DOCK1: variants seen among roughly 807,000 people sequenced by gnomAD.
DOCK1 encodes dedicator of cytokinesis 1, also known as dedicator of cytokinesis protein 1.
Under a neutral mutation model 262.7 loss-of-function variants are expected in DOCK1, and 138 were observed. The observed-to-expected ratio is 0.53, with a 90% CI of 0.46 to 0.61. The LOEUF (loss-of-function observed/expected upper bound fraction) is 0.61. Among genes scored for constraint, DOCK1 ranks in the 20% least tolerant of loss-of-function variants. The pLI is 0.00. For missense variants in DOCK1, 1,908 were observed against 2,370.7 expected (o/e 0.80, Z 4.05); for synonymous variants, 866 against 867.4 (o/e 1.00, Z 0.03).
At chr10:126,909,969 G>A (rs1435026510) in intron 1 of DOCK1, among the ~76,000 whole-genome samples, 1 of 152,208 alleles carries the variant, frequency 6.6e-6, no homozygotes, top group African/African-American at 2.4e-5. Flanking sequence ...TGCTCAGTGT[G>A]AGGAGCCTGA....
chr10:127,214,907 G>A (rs192315614), intron 27 of DOCK1, among the ~76,000 whole-genome samples: 4 of 152,140 alleles, frequency 2.6e-5, no homozygotes, highest in Non-Finnish European at 5.9e-5. Flanking sequence ...AAACATATGC[G>A]TGTAGTTTCT....
chr10:127,418,494 G>A lies in DOCK1; in HGVS notation c.4645G>A (p.Gly1549Ser). Residue 1549 changes from glycine to serine, a missense_variant, in exon 45 of 52, where the codon GGC (glycine) becomes AGC (serine). By Grantham distance (56) the Gly-to-Ser change is moderately conservative. This residue lies in a region of DOCK1 where 57 missense variants were observed against 103.1 expected (regional missense o/e 0.55). Transcript: ENST00000623213. ...CAACCCGCTCTCCATGCTCCTGAAC[G>A]GCATCGTGGACCCAGCTGTCATGGG... ...PINPLSMLLN[G>S]IVDPAVMGGF... 6.2e-7 allele frequency: 1 copy of A among 1,614,072 alleles called. No individual in the cohort carries two copies. Among genetic ancestry groups the A allele is most frequent in the East Asian group, 2.2e-5 (1 of 44,872 alleles).
intron 7 of DOCK1, 200 bp from the exon 8 acceptor site, chr10:126,997,892 G>A: frequency 6.5e-6 from 4 of 613,114 alleles, no homozygotes; most frequent in Non-Finnish European, 1.1e-5. Context: ...CACAGCAGTT[G>A]CACAGGATAC....
intron 29 of DOCK1, among the ~76,000 whole-genome samples, chr10:127,321,445 C>G (rs1031908929): frequency 3.5e-5 from 5 of 144,866 alleles, no homozygotes; most frequent in Non-Finnish European, 7.5e-5. Context: ...GGTTCTTATT[C>G]TAAAATCTCT....
chr10:127,450,357 A>C (rs534730448), intron 51 of DOCK1, among the ~76,000 whole-genome samples: 1 of 151,908 alleles, frequency 6.6e-6, no homozygotes, highest in Non-Finnish European at 1.5e-5. Flanking sequence ...ATAAAAATCC[A>C]CTCTTACCCT....
At position 126,995,953 on chromosome 10, in the gene DOCK1, C is replaced by A. The variant is rs948383785; in HGVS notation, c.474-795C>A. On this transcript the variant is annotated intron_variant, in intron 6 of 51. Transcript: ENST00000623213. The surrounding 1 kb of genome is among the most constrained non-coding windows in gnomAD (Gnocchi z 5.8). The stretch of plus-strand genomic sequence containing the variant: ...GGGAGTAAAAAGGTGGTGGATAGAT[C>A]TCTCCTCCAAGTTTTCTTCCCTCTC... 3.3e-5 allele frequency among the ~76,000 whole-genome samples: 5 copies of A among 152,144 alleles called. No homozygotes were observed. The highest frequency in any genetic ancestry group is 1.2e-4 in the African/African-American group (5 of 41,434).
At chr10:127,334,832 G>A (rs1257956807) in intron 29 of DOCK1, among the ~76,000 whole-genome samples, 2 of 152,116 alleles carry the variant, frequency 1.3e-5, no homozygotes, top group Non-Finnish European at 2.9e-5. Context: ...CATAATTTGT[G>A]TGGTTCACAA....
intron 16 of DOCK1, among the ~76,000 whole-genome samples, chr10:127,028,348 G>A (rs112252944): frequency 2.7e-4 from 41 of 152,318 alleles, no homozygotes; most frequent in African/African-American, 9.9e-4. Context: ...ACAACTATCA[G>A]CAGATGTTGG....
chr10:126,912,550 C>A (rs558456045), intron 1 of DOCK1, among the ~76,000 whole-genome samples: 2 of 151,308 alleles, frequency 1.3e-5, no homozygotes, highest in African/African-American at 2.4e-5. Context: ...CACGGTGAAA[C>A]CCTGTCTCTA....
intron 27 of DOCK1, among the ~76,000 whole-genome samples, chr10:127,186,652 T>G (rs923711221): frequency 6.6e-6 from 1 of 151,670 alleles, no homozygotes; most frequent in Non-Finnish European, 1.5e-5. Context: ...ATGAATGAAA[T>G]AGCTTTCATT....
chr10:127,337,796 G>A (rs1346413450), intron 29 of DOCK1, among the ~76,000 whole-genome samples: 1 of 152,246 alleles, frequency 6.6e-6, no homozygotes, highest in Non-Finnish European at 1.5e-5. Flanking sequence ...TGGTCCCAGA[G>A]CTAGCCGATA....
intron 2 of DOCK1, among the ~76,000 whole-genome samples, chr10:126,976,314 T>C (rs1428002142): frequency 5.3e-5 from 8 of 152,218 alleles, no homozygotes; most frequent in African/African-American, 1.4e-4. Context: ...ATCAGTCTGT[T>C]GAGTCTCCAG....
chr10:127,188,525 C>A (rs2056478747), intron 27 of DOCK1, among the ~76,000 whole-genome samples: 1 of 152,182 alleles, frequency 6.6e-6, no homozygotes, highest in Non-Finnish European at 1.5e-5. Flanking sequence ...ACAGTCTTTG[C>A]ACAGTGAATA....
intron 23 of DOCK1, among the ~76,000 whole-genome samples, chr10:127,102,016 T>A (rs978109160): frequency 1.3e-5 from 2 of 152,152 alleles, no homozygotes; most frequent in Non-Finnish European, 2.9e-5. Context: ...TTAGTGCTCT[T>A]TTGAAAAGTT....
intron 27 of DOCK1, among the ~76,000 whole-genome samples, chr10:127,194,146 C>T (rs1758872263): frequency 6.6e-6 from 1 of 152,158 alleles, no homozygotes; most frequent in African/African-American, 2.4e-5. Flanking sequence ...GTCTTTTAAA[C>T]AAAATGATGA....
chr10:126,951,621 ATTG>A (rs1291987851), intron 1 of DOCK1, among the ~76,000 whole-genome samples: 7 of 150,774 alleles, frequency 4.6e-5, no homozygotes, highest in African/African-American at 1.5e-4. Context: ...TGGTGGTGGT[ATTG>A]TTGGTGGTAG....
intron 19 of DOCK1, among the ~76,000 whole-genome samples, chr10:127,041,867 C>G (rs2044036978): frequency 6.6e-6 from 1 of 152,118 alleles, no homozygotes; most frequent in South Asian, 2.1e-4. Context: ...TGGCGTTCTG[C>G]CTCTTCTTGA....
chr10:127,248,483 A>G (rs149835734), intron 28 of DOCK1, among the ~76,000 whole-genome samples: 16 of 152,352 alleles, frequency 1.1e-4, no homozygotes, highest in Admixed American at 5.2e-4. Context: ...AGCAGAAGCC[A>G]GAGTGACTTT....
intron 44 of DOCK1, among the ~76,000 whole-genome samples, chr10:127,417,455 C>T (rs1387963773): frequency 6.6e-6 from 1 of 152,188 alleles, no homozygotes; most frequent in Admixed American, 6.5e-5. Flanking sequence ...AGTGGTCAGT[C>T]CCCTACCTCC....
Sources: allele counts gnomAD v4.1 joint callset (sites outside exome capture counted in the v4.1 genomes callset), GRCh38; gene constraint gnomAD v4.1.1; regional missense constraint gnomAD v4.1.1; non-coding constraint Gnocchi (gnomAD v3.1); transcripts MANE v1.5; gene names NCBI Gene and HGNC (gene_info 2026-07-23, HGNC 2026-07-21).